The following SLC35F5 variants were observed in gnomAD, a reference collection of about 807,000 sequenced individuals.
The protein encoded by SLC35F5 is HCV NS5A-transactivated protein 3.
SLC35F5 carries 54 observed loss-of-function variants against 68.6 expected under a neutral mutation model. The ratio of observed to expected loss-of-function variants is 0.79; its 90% CI spans 0.63 to 0.99. The LOEUF is 0.99. SLC35F5 is among the 50% of genes least tolerant of loss of function. The probability of loss-of-function intolerance (pLI) is 0.00; values close to 1 mark genes in which losing one functional copy is unlikely to be tolerated. For synonymous variants in SLC35F5, 211 were observed against 205.2 expected (o/e 1.03, Z -0.24); for missense variants, 567 against 626.9 (o/e 0.90, Z 1.02).
intron 4 of SLC35F5, among the ~76,000 whole-genome samples, chr2:113,748,528 A>T (rs946496835): frequency 1.3e-5 from 2 of 152,226 alleles, no homozygotes; most frequent in African/African-American, 4.8e-5. Flanking sequence ...GATATATGTC[A>T]AAATATTATC....
At chr2:113,731,854 A>G (rs1333399535) in intron 9 of SLC35F5, among the ~76,000 whole-genome samples, 2 of 152,170 alleles carry the variant, frequency 1.3e-5, no homozygotes, top group Non-Finnish European at 2.9e-5. Context: ...TCCTCACAAA[A>G]TGTACAATAT....
chr2:113,728,670 A>G (rs771643895), intron 11 of SLC35F5, among the ~76,000 whole-genome samples: 8 of 152,174 alleles, frequency 5.3e-5, no homozygotes, highest in Non-Finnish European at 1.0e-4. Context: ...TAAAGTTACA[A>G]CAGCTGGATT....
At chr2:113,729,695 T>C (rs1371889001) in intron 10 of SLC35F5, among the ~76,000 whole-genome samples, 190 bp from the exon 11 acceptor site, 1 of 152,184 alleles carries the variant, frequency 6.6e-6, no homozygotes, top group Admixed American at 6.5e-5. Context: ...CCAAGTCTTC[T>C]AGGAGTACAG....
chr2:113,731,448 T>C, intron 10 of SLC35F5, 136 bp downstream of exon 10: 1 of 607,338 alleles, frequency 1.6e-6, no homozygotes, highest in Non-Finnish European at 3.0e-6. Context: ...TTTTTTTATG[T>C]TATTTCCAAA....
At chr2:113,720,889 CTCA>C (rs1274633845) in intron 13 of SLC35F5, among the ~76,000 whole-genome samples, 1 of 152,058 alleles carries the variant, frequency 6.6e-6, no homozygotes. Context: ...TATATGTTGT[CTCA>C]TAATAAAAAA....
In SLC35F5 at chr2:113,740,994, T is replaced by C. The variant is rs541854350; in HGVS notation, c.750+1698A>G. Among the ~76,000 whole-genome samples, 4 of 152,356 alleles carry C rather than the reference T, an allele frequency of 2.6e-5. No homozygotes were observed. The East Asian group carries it at 7.7e-4, about 29-fold the overall frequency. The stretch of plus-strand genomic sequence containing the variant: ...GCTTTCACAATGTATTTTAAGTTGC[T>C]ATTTTTTAAAGACCATTTATGGTCA... On this transcript the variant is annotated intron_variant, in intron 7 of 15. Coordinates refer to ENST00000245680, the MANE Select transcript of SLC35F5 (RefSeq NM_025181.5).
At chr2:113,721,971 CTTTT>C (rs71297192) in intron 13 of SLC35F5, among the ~76,000 whole-genome samples, 1 of 107,656 alleles carries the variant, frequency 9.3e-6, no homozygotes, top group African/African-American at 3.5e-5. Context: ...TTGCTTTTAT[CTTTT>C]TTTTTTTTTT....
Position 113,732,798 on chromosome 2 carries a change from G to A in SLC35F5, c.921-1150C>T, listed in dbSNP as rs150084326. Reference sequence around the variant, plus strand: ...CATTTAATCCTCATAATAATCCTATGAGAGAAATCCTATTATTATCCCCAA... The same window carrying A: ...CATTTAATCCTCATAATAATCCTATAAGAGAAATCCTATTATTATCCCCAA... On this transcript the variant is annotated intron_variant, in intron 9 of 15. Coordinates refer to ENST00000245680, the MANE Select transcript of SLC35F5 (RefSeq NM_025181.5). Among the ~76,000 whole-genome samples, 753 of 152,208 alleles carry A rather than the reference G, an allele frequency of 4.9e-3. 8 individuals are homozygous for A. The highest frequency in any genetic ancestry group is 0.016 in the African/African-American group (669 of 41,532).
chr2:113,720,849 G>A lies in SLC35F5; in HGVS notation c.1342-1541C>T, dbSNP rs554760105. ...GATAAAGCCCTAGAAGACTTTAGAA[G>A]GCAAGTTCACTTTCCACAATGTAGC... On this transcript the variant is annotated intron_variant, in intron 13 of 15. Transcript: ENST00000245680. 2.0e-4 allele frequency among the ~76,000 whole-genome samples: 30 copies of A among 152,162 alleles called. 1 individual carries two copies. The East Asian group carries it at 4.6e-3, about 23-fold the overall frequency.
chr2:113,743,818 T>C, intron 5 of SLC35F5, 24 bp from the exon 6 acceptor site: 1 of 1,552,488 alleles, frequency 6.4e-7, no homozygotes. Context: ...GAAAAAAATA[T>C]AAACAACAAA....
In SLC35F5 at chr2:113,718,809, G is replaced by A. The variant is rs1225386055; in HGVS notation, c.1496+345C>T. 4.2e-5 allele frequency among the ~76,000 whole-genome samples: 6 copies of A among 144,144 alleles called. No homozygotes were observed. The Admixed American group carries it at 4.2e-4, about 10-fold the overall frequency. 94.6% of individuals were successfully genotyped at this position (144,144 alleles called of 152,430 possible). A position where few individuals can be genotyped will look rare whatever the true frequency, so the allele number is the denominator to read the frequency against. ...GACTCTGTCAAGAAAGAGAAAAAAA[G>A]AAGAAAGAGAAGAAAGAAAGAGGGA... On this transcript the variant is annotated intron_variant, in intron 14 of 15. Coordinates refer to ENST00000245680, the MANE Select transcript of SLC35F5 (RefSeq NM_025181.5).
chr2:113,750,386 T>C (rs372012233), intron 4 of SLC35F5, 39 bp downstream of exon 4: 1 of 1,531,940 alleles, frequency 6.5e-7, no homozygotes, highest in South Asian at 1.3e-5. Context: ...AACGTATCTA[T>C]ACCCCCTTCC....
intron 1 of SLC35F5, chr2:113,756,023 G>C (rs1282837007): frequency 2.0e-6 from 3 of 1,495,084 alleles, no homozygotes; most frequent in Non-Finnish European, 2.7e-6. Flanking sequence ...AAAAGAAAAG[G>C]ATTCTCCATG....
chr2:113,728,081 T>G (rs1346212099), intron 11 of SLC35F5, among the ~76,000 whole-genome samples: 1 of 152,186 alleles, frequency 6.6e-6, no homozygotes, highest in Non-Finnish European at 1.5e-5. Flanking sequence ...AGACTCGAAC[T>G]CCTGGACTCA....
At chr2:113,727,920 CTA>C (rs1491102531) in intron 11 of SLC35F5, among the ~76,000 whole-genome samples, 1 of 152,088 alleles carries the variant, frequency 6.6e-6, no homozygotes, top group Non-Finnish European at 1.5e-5. Context: ...ACCTATAACA[CTA>C]AAAAAAACTA....
chr2:113,718,071 G>C (rs1471457683), intron 14 of SLC35F5, among the ~76,000 whole-genome samples: 1 of 151,788 alleles, frequency 6.6e-6, no homozygotes, highest in African/African-American at 2.4e-5. Flanking sequence ...TTAAATAAGA[G>C]ATACGGTCTC....
rs1295792572 is a variant in SLC35F5, at chr2:113,707,165, T to C, written c.*8053A>G. Among the ~76,000 whole-genome samples, 2 of 146,970 alleles carry C rather than the reference T, an allele frequency of 1.4e-5. No individual in the cohort carries two copies. The highest frequency in any genetic ancestry group is 6.8e-5 in the Admixed American group (1 of 14,668). On this transcript the variant is annotated 3_prime_UTR_variant, in exon 16 of 16. Coordinates refer to ENST00000245680, the MANE Select transcript of SLC35F5 (RefSeq NM_025181.5). ...CACCAAGAAAAACATTTCTAAAACA[T>C]TGTTTCCATAACTCATTATAAATAT...
intron 1 of SLC35F5, chr2:113,756,156 G>C (rs575856779): frequency 6.9e-7 from 1 of 1,450,070 alleles, no homozygotes; most frequent in South Asian, 1.4e-5. Context: ...CCGGGGAGCC[G>C]AGGCGAGGGC....
intron 4 of SLC35F5, among the ~76,000 whole-genome samples, 198 bp from the exon 5 acceptor site, chr2:113,746,537 A>G (rs1676490044): frequency 6.6e-6 from 1 of 152,182 alleles, no homozygotes. Context: ...TTGATGAAAA[A>G]TTTGAGGCTG....
Sources: allele counts gnomAD v4.1 joint callset (sites outside exome capture counted in the v4.1 genomes callset), GRCh38; gene constraint gnomAD v4.1.1; transcripts MANE v1.5; gene names NCBI Gene and HGNC (gene_info 2026-07-23, HGNC 2026-07-21).